PCDHGA2: variants seen among roughly 807,000 people sequenced by gnomAD.
PCDHGA2 encodes protocadherin gamma subfamily A, 2.
Under a neutral mutation model 59.2 loss-of-function variants are expected in PCDHGA2, and 40 were observed. The ratio of observed to expected loss-of-function variants is 0.68; its 90% CI spans 0.52 to 0.88. The LOEUF (loss-of-function observed/expected upper bound fraction) is 0.88. PCDHGA2 is among the 40% of genes least tolerant of loss of function. The pLI, the probability that PCDHGA2 is intolerant of heterozygous loss-of-function variation, is 0.00. For missense variants in PCDHGA2, 1,226 were observed against 1,204.0 expected (o/e 1.02, Z -0.27); for synonymous variants, 560 against 526.0 (o/e 1.06, Z -0.89).
chr5:141,465,697 T>C (rs1386528821), intron 1 of PCDHGA2, among the ~76,000 whole-genome samples: 2 of 152,200 alleles, frequency 1.3e-5, no homozygotes, highest in African/African-American at 4.8e-5. Context: ...TGCTTTTGCA[T>C]TGGTCAAATG....
At chr5:141,505,121 C>A (rs1194549194) in intron 2 of PCDHGA2, among the ~76,000 whole-genome samples, 1 of 152,168 alleles carries the variant, frequency 6.6e-6, no homozygotes, top group Non-Finnish European at 1.5e-5. Context: ...AAGATCGCGC[C>A]ACTGCACTCC....
At chr5:141,440,155 A>C (rs1250255277) in intron 1 of PCDHGA2, 1 of 152,238 alleles carries the variant, frequency 6.6e-6, no homozygotes, top group Non-Finnish European at 1.5e-5. Flanking sequence ...CCCCAATTAT[A>C]GCTTGGGCCA....
At chr5:141,427,678 C>T in intron 1 of PCDHGA2, 1 of 822,634 alleles carries the variant, frequency 1.2e-6, no homozygotes, top group Non-Finnish European at 2.0e-6. Flanking sequence ...AACAACCTTC[C>T]CGGAGCCTCC....
At chr5:141,458,662 C>A (rs948275548) in intron 1 of PCDHGA2, among the ~76,000 whole-genome samples, 2 of 152,064 alleles carry the variant, frequency 1.3e-5, no homozygotes, top group Non-Finnish European at 2.9e-5. Flanking sequence ...CTCCACCTCT[C>A]GGGTTCAAGC....
intron 1 of PCDHGA2, chr5:141,382,794 C>T (rs764593779): frequency 9.0e-5 from 88 of 974,042 alleles, no homozygotes; most frequent in Admixed American, 2.4e-5. Context: ...CTCTATCCTG[C>T]TGGATTCTGA....
chr5:141,422,775 T>G (rs1179216247), intron 1 of PCDHGA2: 1 of 1,614,046 alleles, frequency 6.2e-7, no homozygotes, highest in Non-Finnish European at 8.5e-7. Context: ...GTGTTCTCTA[T>G]GCCCTACAAT....
intron 1 of PCDHGA2, among the ~76,000 whole-genome samples, chr5:141,348,695 T>A (rs1758162942): frequency 6.6e-6 from 1 of 152,094 alleles, no homozygotes; most frequent in African/African-American, 2.4e-5. Flanking sequence ...TTTTGAAGAA[T>A]GGGCAAGAAT....
intron 1 of PCDHGA2, chr5:141,415,739 G>GTTTTT (rs1561759437): frequency 2.3e-6 from 1 of 434,538 alleles, no homozygotes; most frequent in African/African-American, 3.3e-5. Flanking sequence ...TGTTTATTAA[G>GTTTTT]GTTTTTTTTT....
At chr5:141,464,282 A>AG (rs1318553407) in intron 1 of PCDHGA2, among the ~76,000 whole-genome samples, 1 of 151,396 alleles carries the variant, frequency 6.6e-6, no homozygotes, top group Non-Finnish European at 1.5e-5. Flanking sequence ...AAAAAAGCAA[A>AG]AAAAAAAACT....
chr5:141,419,968 T>G lies in PCDHGA2; in HGVS notation c.2425-74839T>G, dbSNP rs766617414. ...CCTTGGCCTTGATTTCTGTGCTCTT[T>G]CTCCTCGCGGTGATTCTAGCTATTG... is the stretch of plus-strand genomic sequence containing the variant. On this transcript the variant is annotated intron_variant, in intron 1 of 3. Transcript: ENST00000394576. The G allele has an allele frequency of 6.2e-6, 10 of 1,614,036 alleles. No homozygotes were observed. The South Asian group carries it at 1.1e-4, about 18-fold the overall frequency.
At position 141,364,741 on chromosome 5, in the gene PCDHGA2, G is replaced by C. The variant is rs774257321; in HGVS notation, c.2424+23346G>C. 5.6e-6 allele frequency: 9 copies of C among 1,613,840 alleles called. No homozygotes were observed. In the Admixed American group the frequency reaches 1.5e-4, roughly 27 times the overall value. Reference sequence around the variant, plus strand: ...ACTTCCCGCGTTTCCGGGATGAAGAGTTAAAAGTAAAAGTTAATGAAAATG... The same window carrying C: ...ACTTCCCGCGTTTCCGGGATGAAGACTTAAAAGTAAAAGTTAATGAAAATG... On this transcript the variant is annotated intron_variant, in intron 1 of 3. Transcript: ENST00000394576.
chr5:141,380,086 G>T (rs1776198648), intron 1 of PCDHGA2, among the ~76,000 whole-genome samples: 1 of 151,828 alleles, frequency 6.6e-6, no homozygotes. Flanking sequence ...TTTTAGTAGA[G>T]ATGGGGTTTT....
At chr5:141,374,514 A>G (rs762655024) in intron 1 of PCDHGA2, 6 of 1,612,112 alleles carry the variant, frequency 3.7e-6, no homozygotes, top group Non-Finnish European at 4.2e-6. Context: ...AAAATTCTCG[A>G]AAACGCAGCT....
At chr5:141,351,627 A>T (rs931649944) in intron 1 of PCDHGA2, 1 of 1,614,056 alleles carries the variant, frequency 6.2e-7, no homozygotes, top group Non-Finnish European at 8.5e-7. Context: ...TATGTGGTCC[A>T]CGTGTCTGAG....
intron 1 of PCDHGA2, chr5:141,364,821 T>C (rs1185593883): frequency 6.2e-7 from 1 of 1,613,886 alleles, no homozygotes; most frequent in Non-Finnish European, 8.5e-7. Flanking sequence ...GATGTGGGTG[T>C]GAACTCTCTC....
In PCDHGA2 at chr5:141,344,276, C is replaced by T. The variant is rs143610564; in HGVS notation, c.2424+2881C>T. ...AGCTTTTCTCTCTGAATCCGCAAAG[C>T]GGCAGCTTGGTCACCGCGGAGAGGA... On this transcript the variant is annotated intron_variant, in intron 1 of 3. Coordinates refer to ENST00000394576, the MANE Select transcript of PCDHGA2 (RefSeq NM_018915.4). 226 of 1,614,066 alleles carry T rather than the reference C, an allele frequency of 1.4e-4. 1 individual carries two copies. In the East Asian group the frequency reaches 2.9e-3, roughly 20 times the overall value.
intron 3 of PCDHGA2, among the ~76,000 whole-genome samples, chr5:141,507,518 A>T (rs1323767789): frequency 6.6e-6 from 1 of 152,132 alleles, no homozygotes; most frequent in African/African-American, 2.4e-5. Flanking sequence ...TGGGGCTATG[A>T]TTCCAGAGAG....
chr5:141,455,400 C>G (rs537466326), intron 1 of PCDHGA2, among the ~76,000 whole-genome samples: 8 of 152,274 alleles, frequency 5.3e-5, no homozygotes, highest in Admixed American at 5.2e-4. Context: ...CTCCCCCTTA[C>G]AGAGACAGAG....
At position 141,388,141 on chromosome 5, in the gene PCDHGA2, T is replaced by C. The variant is rs1239201119; in HGVS notation, c.2424+46746T>C. On this transcript the variant is annotated intron_variant, in intron 1 of 3. Transcript: ENST00000394576. ...AGCGCAGAGAGCGGGGAGTTGCTTG[T>C]GAGCAGCAGGCTAGACAGGGAGGAG... 6.9e-7 allele frequency: 1 copy of C among 1,456,446 alleles called. No individual in the cohort carries two copies. The highest frequency in any genetic ancestry group is 2.3e-4 in the Middle Eastern group (1 of 4,348). The allele number at this position is 1,456,446 out of a possible 1,614,324, so 90.2% of individuals were successfully genotyped here. A position where few individuals can be genotyped will look rare whatever the true frequency, so the allele number is the denominator to read the frequency against.
Sources: gnomAD v4.1 joint callset for allele counts (sites outside exome capture counted in the v4.1 genomes callset) on GRCh38, gnomAD v4.1.1 for gene constraint, MANE v1.5 for transcripts, NCBI Gene and HGNC (gene_info 2026-07-23, HGNC 2026-07-21) for gene names.